Variants in CDH12 observed in about 807,000 individuals in gnomAD.
The protein encoded by CDH12 is cadherin-12.
In CDH12, 41 loss-of-function variants were observed where a neutral mutation model predicts 74.1. The observed-to-expected ratio is 0.55, with a 90% CI of 0.43 to 0.72. The LOEUF is 0.72. Ranked by LOEUF, CDH12 falls within the 30% of genes least tolerant of loss-of-function variation. The pLI is 0.00. For synonymous variants in CDH12, 399 were observed against 355.0 expected, an observed-to-expected ratio of 1.12 and a Z score of -1.39; for missense variants, 945 against 977.2, an observed-to-expected ratio of 0.97 and a Z score of 0.44.
At chr5:22,667,990 G>A (rs1207754171) in intron 1 of CDH12, among the ~76,000 whole-genome samples, 1 of 152,048 alleles carries the variant, frequency 6.6e-6, no homozygotes, top group Non-Finnish European at 1.5e-5. Context: ...ATAAAGAAAA[G>A]AAAAACATAA....
At chr5:22,024,491 TA>T (rs1738213465) in intron 5 of CDH12, among the ~76,000 whole-genome samples, 1 of 152,062 alleles carries the variant, frequency 6.6e-6, no homozygotes, top group Non-Finnish European at 1.5e-5. Flanking sequence ...AAGGTAAATT[TA>T]CTTTATTTAT....
In CDH12 at chr5:22,042,000, G is replaced by C. The variant is rs145833494; in HGVS notation, c.231+36446C>G. Among the ~76,000 whole-genome samples the C allele has an allele frequency of 3.4e-3, 524 of 152,160 alleles. 1 individual carries two copies. The highest frequency in any genetic ancestry group is 0.012 in the African/African-American group (509 of 41,528). On this transcript the variant is annotated intron_variant, in intron 5 of 14. Transcript: ENST00000382254. ...ATGAAACTAGACATCGATGACAGGA[G>C]AAACTTCAGAAACCACACCAATACA...
intron 4 of CDH12, among the ~76,000 whole-genome samples, chr5:22,135,207 A>AG (rs1335378419): frequency 1.0e-3 from 130 of 124,452 alleles, no homozygotes; most frequent in African/African-American, 1.8e-3. Flanking sequence ...TGAACACATA[A>AG]GCAAAAAAAA....
At chr5:22,583,149 C>A (rs2126786291) in intron 1 of CDH12, among the ~76,000 whole-genome samples, 1 of 152,222 alleles carries the variant, frequency 6.6e-6, no homozygotes, top group Middle Eastern at 3.4e-3. Flanking sequence ...GGGGTTCTTA[C>A]CAAAGTGTTC....
intron 1 of CDH12, among the ~76,000 whole-genome samples, chr5:22,601,092 T>C (rs1206489387): frequency 1.3e-5 from 2 of 152,132 alleles, no homozygotes; most frequent in African/African-American, 4.8e-5. Context: ...GATATATTTC[T>C]TTTAATATAT....
intron 1 of CDH12, among the ~76,000 whole-genome samples, chr5:22,623,814 C>T (rs1227523613): frequency 3.3e-5 from 5 of 152,168 alleles, no homozygotes; most frequent in Admixed American, 3.3e-4. Context: ...GAAAAAACTA[C>T]TTTAAAGTTC....
intron 3 of CDH12, among the ~76,000 whole-genome samples, chr5:22,277,130 G>T (rs1170470707): frequency 6.6e-6 from 1 of 152,150 alleles, no homozygotes; most frequent in Non-Finnish European, 1.5e-5. Flanking sequence ...TAGCAAAGTA[G>T]CCCCAATAAC....
chr5:22,481,599 A>G (rs1746387798), intron 2 of CDH12, among the ~76,000 whole-genome samples: 1 of 152,224 alleles, frequency 6.6e-6, no homozygotes, highest in Admixed American at 6.5e-5. Context: ...CAAGCCAGTC[A>G]CAGGAAAAAT....
At chr5:22,555,761 A>T (rs1738775279) in intron 1 of CDH12, among the ~76,000 whole-genome samples, 1 of 152,028 alleles carries the variant, frequency 6.6e-6, no homozygotes, top group African/African-American at 2.4e-5. Context: ...ATTTTTAAGT[A>T]TTTGTGTATT....
chr5:22,435,433 C>T (rs571195972), intron 2 of CDH12, among the ~76,000 whole-genome samples: 6 of 149,476 alleles, frequency 4.0e-5, no homozygotes, highest in Non-Finnish European at 7.4e-5. Context: ...TGTATATATA[C>T]GTATATATGT....
intron 1 of CDH12, among the ~76,000 whole-genome samples, chr5:22,660,188 T>A (rs989773305): frequency 1.3e-5 from 2 of 152,190 alleles, no homozygotes; most frequent in African/African-American, 2.4e-5. Context: ...AAAGCAAGCA[T>A]GTATTTATAT....
chr5:22,505,638 T>C (rs1479720048), intron 1 of CDH12, among the ~76,000 whole-genome samples: 3 of 152,084 alleles, frequency 2.0e-5, no homozygotes, highest in Non-Finnish European at 4.4e-5. Flanking sequence ...TGAACCAATA[T>C]TGATACATTA....
chr5:22,191,869 A>G (rs1039736994), intron 4 of CDH12, among the ~76,000 whole-genome samples: 20 of 151,924 alleles, frequency 1.3e-4, no homozygotes, highest in African/African-American at 3.6e-4. Flanking sequence ...CGGCCCACCA[A>G]TGGTCTTTAA....
At chr5:22,245,686 T>C (rs970584550) in intron 3 of CDH12, among the ~76,000 whole-genome samples, 2 of 151,868 alleles carry the variant, frequency 1.3e-5, no homozygotes, top group Non-Finnish European at 2.9e-5. Context: ...TTTAAATCTG[T>C]AGTTCATACA....
At chr5:22,027,773 A>T (rs1026300273) in intron 5 of CDH12, among the ~76,000 whole-genome samples, 276 of 152,036 alleles carry the variant, frequency 1.8e-3, no homozygotes, top group African/African-American at 6.5e-3. Flanking sequence ...CAGCTCCTGG[A>T]TTCGTTAATT....
At chr5:22,107,023 T>C (rs1367647810) in intron 4 of CDH12, among the ~76,000 whole-genome samples, 1 of 152,144 alleles carries the variant, frequency 6.6e-6, no homozygotes, top group Non-Finnish European at 1.5e-5. Flanking sequence ...CTTCTTTCCT[T>C]TTTCCCAGCT....
At chr5:22,212,431 T>G (rs936688330) in intron 4 of CDH12, 67 bp downstream of exon 4, 20 of 358,380 alleles carry the variant, frequency 5.6e-5, no homozygotes, top group Non-Finnish European at 7.4e-5. Flanking sequence ...AATGTCAGTT[T>G]AGTCAGTTAG....
At chr5:22,057,504 G>C (rs1253049895) in intron 5 of CDH12, among the ~76,000 whole-genome samples, 1 of 152,044 alleles carries the variant, frequency 6.6e-6, no homozygotes, top group Non-Finnish European at 1.5e-5. Context: ...CTCAATATCA[G>C]AATCTCTCTT....
chr5:22,558,748 C>G (rs1015908405), intron 1 of CDH12, among the ~76,000 whole-genome samples: 1 of 151,838 alleles, frequency 6.6e-6, no homozygotes, highest in African/African-American at 2.4e-5. Context: ...TAAGAACATG[C>G]AATTAAGGTG....
Sources: allele counts gnomAD v4.1 joint callset (sites outside exome capture counted in the v4.1 genomes callset), GRCh38; gene constraint gnomAD v4.1.1; transcripts MANE v1.5; gene names NCBI Gene and HGNC (gene_info 2026-07-23, HGNC 2026-07-21).